SFXN4: variants seen among roughly 807,000 people sequenced by gnomAD.
SFXN4 encodes sideroflexin 4, also known as sideroflexin-4.
SFXN4 carries 48 observed loss-of-function variants against 54.6 expected under a neutral mutation model. The observed-to-expected ratio is 0.88, with a 90% CI of 0.70 to 1.12. The LOEUF (loss-of-function observed/expected upper bound fraction) is 1.12, where lower values mean the gene tolerates loss of function less well. Ranked by LOEUF, SFXN4 falls within the 50% of genes most tolerant of loss-of-function variation. The pLI, the probability that SFXN4 is intolerant of heterozygous loss-of-function variation, is 0.00. For missense variants in SFXN4, 383 were observed against 409.2 expected, an observed-to-expected ratio of 0.94 and a Z score of 0.55; for synonymous variants, 130 against 145.5, an observed-to-expected ratio of 0.89 and a Z score of 0.77.
intron 2 of SFXN4, among the ~76,000 whole-genome samples, 169 bp from the exon 3 acceptor site, chr10:119,162,583 T>A (rs1315188936): frequency 6.6e-6 from 1 of 152,088 alleles, no homozygotes; most frequent in Admixed American, 6.5e-5. Flanking sequence ...TAGCCCTGAG[T>A]GCCATTCAGA....
At chr10:119,146,125 CTTATT>C (rs1168085468) in intron 13 of SFXN4, 106 bp downstream of exon 13, 2 of 669,502 alleles carry the variant, frequency 3.0e-6, no homozygotes, top group South Asian at 1.9e-5. Context: ...TGCACCTGGT[CTTATT>C]TTATATTTTT....
chr10:119,161,869 A>G (rs1467422928), intron 3 of SFXN4, among the ~76,000 whole-genome samples: 1 of 152,234 alleles, frequency 6.6e-6, no homozygotes, highest in African/African-American at 2.4e-5. Flanking sequence ...TGAGCTCTCC[A>G]TAGGCTGTCT....
At chr10:119,153,995 C>T (rs887177707) in intron 11 of SFXN4, among the ~76,000 whole-genome samples, 8 of 151,648 alleles carry the variant, frequency 5.3e-5, no homozygotes, top group African/African-American at 1.2e-4. Context: ...CTGGCCAATA[C>T]GGTGAAACCC....
intron 1 of SFXN4, 72 bp from the exon 2 acceptor site, chr10:119,164,268 CTTTTT>C: frequency 4.0e-6 from 2 of 504,252 alleles, no homozygotes; most frequent in African/African-American, 2.3e-5. Context: ...TAACAGTTGG[CTTTTT>C]TTTTTTTTTT....
intron 6 of SFXN4, 22 bp downstream of exon 6, chr10:119,159,706 C>T (rs755345496): frequency 1.4e-5 from 22 of 1,613,464 alleles, no homozygotes; most frequent in Admixed American, 3.3e-5. Flanking sequence ...AGTCTCCTAA[C>T]GGCAAATGTC....
intron 6 of SFXN4, among the ~76,000 whole-genome samples, chr10:119,158,615 CAAAAAAA>C (rs35982987): frequency 4.6e-5 from 3 of 65,706 alleles, no homozygotes; most frequent in East Asian, 1.2e-3. Flanking sequence ...GACTCCGTCT[CAAAAAAA>C]AAAAAAAAAA....
At chr10:119,159,210 G>A (rs1223760090) in intron 6 of SFXN4, among the ~76,000 whole-genome samples, 2 of 149,142 alleles carry the variant, frequency 1.3e-5, no homozygotes, top group Admixed American at 6.7e-5. Flanking sequence ...AACGAGGGAG[G>A]CAGAGGTTGC....
At chr10:119,150,883 C>T (rs563061076) in intron 11 of SFXN4, among the ~76,000 whole-genome samples, 17 of 152,202 alleles carry the variant, frequency 1.1e-4, no homozygotes, top group Non-Finnish European at 1.8e-4. Flanking sequence ...AAACGTCCAC[C>T]GCCGGCAGAA....
intron 2 of SFXN4, among the ~76,000 whole-genome samples, chr10:119,163,233 C>CT (rs35998023): frequency 0.033 from 4,842 of 146,622 alleles, 114 homozygotes; most frequent in Middle Eastern, 0.068. Context: ...TTTCTTTCTT[C>CT]TTTTTTTTTT....
At chr10:119,146,435 G>A in intron 12 of SFXN4, 82 bp from the exon 13 acceptor site, 1 of 473,916 alleles carries the variant, frequency 2.1e-6, no homozygotes, top group Non-Finnish European at 3.8e-6. Flanking sequence ...GGGCGTGTGT[G>A]TGTGTGTGTG....
chr10:119,158,720 C>T (rs1225990101), intron 6 of SFXN4, among the ~76,000 whole-genome samples: 5 of 151,792 alleles, frequency 3.3e-5, no homozygotes, highest in Non-Finnish European at 7.4e-5. Flanking sequence ...TGATGGCTCA[C>T]GCCTATAATC....
chr10:119,163,972 A>G (rs1301461360), intron 2 of SFXN4, among the ~76,000 whole-genome samples, 159 bp downstream of exon 2: 2 of 140,996 alleles, frequency 1.4e-5, no homozygotes, highest in South Asian at 2.5e-4. Flanking sequence ...CCTGGGAGGT[A>G]GAGGTTCTTG....
intron 11 of SFXN4, among the ~76,000 whole-genome samples, chr10:119,152,061 TACC>T (rs1847091161): frequency 6.6e-6 from 1 of 151,036 alleles, no homozygotes; most frequent in Non-Finnish European, 1.5e-5. Flanking sequence ...TCAAGCGATC[TACC>T]TCCCAAAGTG....
intron 11 of SFXN4, among the ~76,000 whole-genome samples, chr10:119,151,576 C>T (rs1222243134): frequency 4.0e-5 from 6 of 151,064 alleles, no homozygotes; most frequent in East Asian, 3.9e-4. Context: ...AGTGCAGTGG[C>T]GCAATCTCAG....
intron 5 of SFXN4, among the ~76,000 whole-genome samples, chr10:119,160,221 T>C (rs1255370047): frequency 6.6e-6 from 1 of 151,970 alleles, no homozygotes. Flanking sequence ...AAAATTACTA[T>C]AACATGGCCA....
chr10:119,143,700 C>T lies in SFXN4; in HGVS notation c.937-2381G>A, dbSNP rs572348924. Among the ~76,000 whole-genome samples, 98 of 151,966 alleles carry T rather than the reference C, an allele frequency of 6.4e-4. 1 individual carries two copies. Among genetic ancestry groups the T allele is most frequent in the African/African-American group, 2.0e-3 (81 of 41,432 alleles). On this transcript the variant is annotated intron_variant, in intron 13 of 13. Transcript: ENST00000355697. ...CTATGTTGTCCTGGCTGGTCTTGAA[C>T]GCCGGGGCTCAAGTGATCCTCCCAC... is the stretch of plus-strand genomic sequence containing the variant.
At chr10:119,162,514 C>A in intron 2 of SFXN4, 100 bp from the exon 3 acceptor site, 2 of 896,896 alleles carry the variant, frequency 2.2e-6, no homozygotes, top group Non-Finnish European at 1.8e-6. Flanking sequence ...ATGCACTGGA[C>A]TTCGACTGCA....
At chr10:119,156,377 C>T (rs1460643230) in intron 10 of SFXN4, among the ~76,000 whole-genome samples, 1 of 152,150 alleles carries the variant, frequency 6.6e-6, no homozygotes, top group African/African-American at 2.4e-5. Flanking sequence ...TGCAGTGAGC[C>T]GAGCTCATGC....
Position 119,147,766 on chromosome 10 carries a change from G to C in SFXN4, c.818+9C>G. On this transcript the variant is annotated intron_variant, in intron 12 of 13. Coordinates refer to ENST00000355697, the MANE Select transcript of SFXN4 (RefSeq NM_213649.2). ...AATCCCTACCTGGGGATATGACCGTGTCTCTTACCTTTTAAAAAAGTAGGT... is the reference window on the plus strand; with the variant it reads ...AATCCCTACCTGGGGATATGACCGTCTCTCTTACCTTTTAAAAAAGTAGGT... 3.1e-6 allele frequency: 5 copies of C among 1,611,344 alleles called. No individual in the cohort carries two copies. Among genetic ancestry groups the C allele is most frequent in the Non-Finnish European group, 4.2e-6 (5 of 1,177,492 alleles).
Sources: allele counts gnomAD v4.1 joint callset (sites outside exome capture counted in the v4.1 genomes callset), GRCh38; gene constraint gnomAD v4.1.1; transcripts MANE v1.5; gene names NCBI Gene and HGNC (gene_info 2026-07-23, HGNC 2026-07-21).